The following BRI3 variants were observed in gnomAD, a reference collection of about 807,000 sequenced individuals.
The protein encoded by BRI3 is brain protein I3.
In BRI3, 6 loss-of-function variants were observed where a neutral mutation model predicts 12.8. That is an observed-to-expected ratio of 0.47 (90% CI 0.26 to 0.93). BRI3 has a LOEUF of 0.93. Among genes scored for constraint, BRI3 ranks in the 40% least tolerant of loss-of-function variants. The probability of loss-of-function intolerance (pLI) is 0.15; values close to 1 mark genes in which losing one functional copy is unlikely to be tolerated. For missense variants in BRI3, 134 were observed against 171.1 expected (o/e 0.78, Z 1.21); for synonymous variants, 91 against 76.1 (o/e 1.20, Z -1.02).
At chr7:98,319,620 C>T in the BRI3 span, among the ~76,000 whole-genome samples, 1 of 149,062 alleles carries the variant, frequency 6.7e-6, no homozygotes, top group East Asian at 2.0e-4. Flanking sequence ...AATCTTGGCT[C>T]ACTGCAACCT....
chr7:98,292,836 C>A, downstream of BRI3: 2 of 1,465,152 alleles, frequency 1.4e-6, no homozygotes, highest in Non-Finnish European at 1.8e-6. Context: ...GCAGCGAATC[C>A]GTTGGCGACT....
At chr7:98,292,962 G>T, downstream of BRI3, 1 of 1,209,362 alleles carries the variant, frequency 8.3e-7, no homozygotes, top group Non-Finnish European at 1.0e-6. Flanking sequence ...GTTGGAGGGA[G>T]GGTGGGGGTT....
the BRI3 span, among the ~76,000 whole-genome samples, chr7:98,319,665 T>C: frequency 1.3e-5 from 2 of 150,912 alleles, no homozygotes; most frequent in Non-Finnish European, 2.9e-5. Flanking sequence ...TCCTGCCTCA[T>C]CCTCCCGAGT....
intron 1 of BRI3, among the ~76,000 whole-genome samples, chr7:98,298,893 G>A (rs972362590): frequency 3.9e-5 from 6 of 152,104 alleles, no homozygotes; most frequent in African/African-American, 1.2e-4. Context: ...CCAGGCTGCA[G>A]TGCAGTGGCA....
At chr7:98,283,531 G>A (rs1228098870) in intron 2 of BRI3, among the ~76,000 whole-genome samples, 1 of 152,076 alleles carries the variant, frequency 6.6e-6, no homozygotes, top group Non-Finnish European at 1.5e-5. Context: ...TTGGAGTGAA[G>A]GTGGAGGGAG....
chr7:98,304,502 TCACA>T (rs113102084), upstream of BRI3: 1 of 948,572 alleles, frequency 1.1e-6, no homozygotes. Flanking sequence ...GATCTTGATC[TCACA>T]CACACAGACA....
intron 1 of BRI3, 147 bp downstream of exon 1, chr7:98,282,084 C>A (rs1799536694): frequency 1.7e-6 from 2 of 1,170,818 alleles, no homozygotes; most frequent in Non-Finnish European, 2.2e-6. Context: ...CCGGCGCCGC[C>A]GAGGGCCAGC....
At chr7:98,294,224 C>T (rs766575393), downstream of BRI3, 26 of 1,079,784 alleles carry the variant, frequency 2.4e-5, no homozygotes, top group Admixed American at 4.2e-5. Flanking sequence ...AACTCCTGAG[C>T]TCACGTGATC....
At chr7:98,321,860 G>A in the BRI3 span, among the ~76,000 whole-genome samples, 73 of 152,330 alleles carry the variant, frequency 4.8e-4, no homozygotes, top group Non-Finnish European at 8.8e-4. Flanking sequence ...ACTTTTGGGA[G>A]GCTGAGGTGG....
intron 2 of BRI3, among the ~76,000 whole-genome samples, chr7:98,287,885 C>T (rs1209315470): frequency 6.6e-6 from 1 of 152,202 alleles, no homozygotes; most frequent in Admixed American, 6.5e-5. Context: ...CCACCCACAC[C>T]CCTTTGCCCA....
intron 2 of BRI3, 45 bp from the exon 3 acceptor site, chr7:98,291,066 C>T: frequency 1.2e-6 from 2 of 1,611,210 alleles, no homozygotes; most frequent in Non-Finnish European, 1.7e-6. Flanking sequence ...GTTCTGGCTG[C>T]CCGGGTCCTT....
chr7:98,288,609 G>T (rs1169605706), intron 2 of BRI3, among the ~76,000 whole-genome samples: 2 of 151,818 alleles, frequency 1.3e-5, no homozygotes, highest in Non-Finnish European at 2.9e-5. Context: ...CACACAGACA[G>T]GTGGCGTTGT....
rs1799521324 is a variant in BRI3 at position 98,281,736 on chromosome 7, TC to T, written c.-55del. ...CCGCGTCCCCGCCGCCGCCGCCGCG[TC>T]CCCCGCCGGGGCCGACCGAGCCGAG... On this transcript the variant is annotated 5_prime_UTR_variant, in exon 1 of 3. Coordinates refer to ENST00000297290, the MANE Select transcript of BRI3 (RefSeq NM_015379.5). 2.4e-6 allele frequency: 2 copies of T among 823,556 alleles called. No individual in the cohort carries two copies. The highest frequency in any genetic ancestry group is 5.5e-5 in the South Asian group (1 of 18,288). The allele number at this position is 823,556 out of a possible 1,614,324, so 51.0% of individuals were successfully genotyped here.
chr7:98,292,856 C>G, downstream of BRI3: 2 of 1,453,394 alleles, frequency 1.4e-6, no homozygotes, highest in Non-Finnish European at 1.8e-6. Flanking sequence ...TCCTAACTAC[C>G]AAGAAAAGGA....
At chr7:98,293,447 C>G (rs1170273307), downstream of BRI3, 15 of 1,383,774 alleles carry the variant, frequency 1.1e-5, no homozygotes, top group Non-Finnish European at 1.4e-5. Flanking sequence ...ACCGTCAGCA[C>G]GTGGCAGACA....
chr7:98,308,399 G>A (rs183852930), exon 2 of BRI3: 160 of 411,112 alleles, frequency 3.9e-4, no homozygotes, highest in African/African-American at 2.8e-3. Flanking sequence ...AGGACAAGGT[G>A]AGGATGAGTT....
upstream of BRI3, among the ~76,000 whole-genome samples, chr7:98,303,907 A>G (rs1230973496): frequency 1.3e-5 from 2 of 152,230 alleles, no homozygotes; most frequent in African/African-American, 4.8e-5. Context: ...GGCAGGAAAG[A>G]TAAGAAACCT....
downstream of BRI3, chr7:98,312,165 T>G: frequency 1.2e-6 from 2 of 1,614,068 alleles, no homozygotes; most frequent in Non-Finnish European, 1.7e-6. Context: ...GCTGGGGTCT[T>G]TATTTCTTCG....
chr7:98,316,433 A>T, the BRI3 span, among the ~76,000 whole-genome samples: 1 of 152,206 alleles, frequency 6.6e-6, no homozygotes, highest in Non-Finnish European at 1.5e-5. Flanking sequence ...GCCAGGATAA[A>T]AAGCCCATGT....
Sources: gnomAD v4.1 joint callset for allele counts (sites outside exome capture counted in the v4.1 genomes callset) on GRCh38, gnomAD v4.1.1 for gene constraint, MANE v1.5 for transcripts, NCBI Gene and HGNC (gene_info 2026-07-23, HGNC 2026-07-21) for gene names.